SCD5: variants seen among roughly 807,000 people sequenced by gnomAD.
The protein encoded by SCD5 is acyl-CoA-desaturase 4.
A neutral mutation model predicts 30.4 loss-of-function variants in SCD5; 20 were observed. That is an observed-to-expected ratio of 0.66 (90% CI 0.46 to 0.96). The LOEUF is 0.96. Ranked by LOEUF, SCD5 falls within the 40% of genes least tolerant of loss-of-function variation. The pLI is 0.00. For missense variants in SCD5, 381 were observed against 443.3 expected (o/e 0.86, Z 1.26); for synonymous variants, 173 against 176.4 (o/e 0.98, Z 0.16).
intron 1 of SCD5, among the ~76,000 whole-genome samples, chr4:82,740,440 T>A (rs1720849112): frequency 6.6e-6 from 1 of 152,194 alleles, no homozygotes; most frequent in African/African-American, 2.4e-5. Flanking sequence ...GGAGCCAGTA[T>A]CAGGCTAACA....
At chr4:82,727,841 G>A (rs1720540204) in intron 1 of SCD5, among the ~76,000 whole-genome samples, 1 of 152,146 alleles carries the variant, frequency 6.6e-6, no homozygotes, top group Admixed American at 6.5e-5. Context: ...CCGAGTAGCT[G>A]GGATTACAGG....
intron 2 of SCD5, among the ~76,000 whole-genome samples, chr4:82,699,699 G>A (rs1719775027): frequency 7.0e-6 from 1 of 142,898 alleles, no homozygotes; most frequent in Non-Finnish European, 1.5e-5. Flanking sequence ...GTCTCCCACT[G>A]TCACCAGGCT....
rs758746139 is a variant in SCD5, at chr4:82,631,101, ACT to A, written c.*224_*225del. 78 of 421,308 alleles carry A rather than the reference ACT, an allele frequency of 1.9e-4. No homozygotes were observed. Among genetic ancestry groups the A allele is most frequent in the Non-Finnish European group, 3.0e-4 (70 of 236,924 alleles). The allele number at this position is 421,308 out of a possible 1,614,324, so 26.1% of individuals were successfully genotyped here. ...ACTCCAGCCTGGGTGACAGAGTGAG[ACT>A]CTGTCTCAAAAACAAAACAAACAAA... On this transcript the variant is annotated 3_prime_UTR_variant, in exon 5 of 5. Transcript: ENST00000319540.
At chr4:82,748,675 G>A (rs1382726902) in intron 1 of SCD5, among the ~76,000 whole-genome samples, 3 of 152,184 alleles carry the variant, frequency 2.0e-5, no homozygotes, top group African/African-American at 4.8e-5. Flanking sequence ...CCTACTCTGA[G>A]GCCCAAGAAA....
intron 1 of SCD5, among the ~76,000 whole-genome samples, chr4:82,741,165 C>T (rs1319346442): frequency 6.6e-6 from 1 of 151,270 alleles, no homozygotes; most frequent in Non-Finnish European, 1.5e-5. Context: ...TCTCAAACTC[C>T]TGGGCCCAAG....
chr4:82,663,114 T>C (rs941551832), intron 3 of SCD5, among the ~76,000 whole-genome samples: 1 of 152,140 alleles, frequency 6.6e-6, no homozygotes, highest in Non-Finnish European at 1.5e-5. Flanking sequence ...CCATAACTTT[T>C]CTTTAACTCA....
At chr4:82,708,131 T>C (rs1290912527) in intron 1 of SCD5, among the ~76,000 whole-genome samples, 1 of 152,148 alleles carries the variant, frequency 6.6e-6, no homozygotes, top group Admixed American at 6.5e-5. Flanking sequence ...ATGGGTTCTA[T>C]GAATAAAAAT....
At chr4:82,651,144 G>C (rs764431875) in intron 3 of SCD5, among the ~76,000 whole-genome samples, 51 of 152,232 alleles carry the variant, frequency 3.4e-4, no homozygotes, top group Non-Finnish European at 6.0e-4. Flanking sequence ...CACACAGATG[G>C]TAGTTGGACA....
intron 3 of SCD5, among the ~76,000 whole-genome samples, chr4:82,663,653 A>C (rs2148817383): frequency 6.6e-6 from 1 of 152,344 alleles, no homozygotes; most frequent in East Asian, 1.9e-4. Flanking sequence ...CAATAATGGA[A>C]CACTAGGCAT....
chr4:82,746,956 GTC>G (rs1721000142), intron 1 of SCD5, among the ~76,000 whole-genome samples: 1 of 23,462 alleles, frequency 4.3e-5, no homozygotes, highest in African/African-American at 7.4e-5. Context: ...ACACAAGGGC[GTC>G]AGGGGGAGAG....
intron 1 of SCD5, among the ~76,000 whole-genome samples, chr4:82,717,003 G>A (rs1720242309): frequency 6.6e-6 from 1 of 151,670 alleles, no homozygotes; most frequent in African/African-American, 2.4e-5. Flanking sequence ...AAATATATGG[G>A]AGGATGTGCA....
At chr4:82,745,190 C>T (rs1288514453) in intron 1 of SCD5, among the ~76,000 whole-genome samples, 2 of 152,162 alleles carry the variant, frequency 1.3e-5, no homozygotes, top group East Asian at 1.9e-4. Context: ...TCCTCAGCCT[C>T]GCTGGCACTG....
intron 1 of SCD5, among the ~76,000 whole-genome samples, chr4:82,746,462 C>G (rs946421528): frequency 5.3e-5 from 8 of 152,276 alleles, no homozygotes; most frequent in Admixed American, 5.2e-4. Context: ...TCTGAGACCA[C>G]GATGACATAT....
At chr4:82,747,074 C>CCCCCCCG (rs796695522) in intron 1 of SCD5, among the ~76,000 whole-genome samples, 2 of 149,062 alleles carry the variant, frequency 1.3e-5, no homozygotes, top group South Asian at 2.2e-4. Context: ...AACCTGCCCC[C>CCCCCCCG]CAAGAAAGAC....
At chr4:82,660,688 C>T (rs888823199) in intron 3 of SCD5, 29 of 1,422,476 alleles carry the variant, frequency 2.0e-5, no homozygotes, top group Admixed American at 5.9e-5. Context: ...GATTTTAGGA[C>T]CATATTTTAC....
At chr4:82,737,793 A>G (rs538521675) in intron 1 of SCD5, among the ~76,000 whole-genome samples, 28 of 152,234 alleles carry the variant, frequency 1.8e-4, no homozygotes, top group Non-Finnish European at 3.4e-4. Context: ...CACTGGATCA[A>G]ACTCTGAAAA....
At chr4:82,635,443 T>A (rs1033264482) in intron 4 of SCD5, among the ~76,000 whole-genome samples, 2 of 151,436 alleles carry the variant, frequency 1.3e-5, no homozygotes, top group African/African-American at 4.9e-5. Context: ...CACGGTGAAA[T>A]CCCGTCTCTA....
rs1282342402 is a variant in SCD5, at chr4:82,630,518, T to G, written c.*809A>C. 2 of 152,238 alleles carry G rather than the reference T, an allele frequency of 1.3e-5. No individual in the cohort carries two copies. Among genetic ancestry groups the G allele is most frequent in the African/African-American group, 4.8e-5 (2 of 41,456 alleles). 9.4% of individuals were successfully genotyped at this position (152,238 alleles called of 1,614,324 possible). On this transcript the variant is annotated 3_prime_UTR_variant, in exon 5 of 5. Coordinates refer to ENST00000319540, the MANE Select transcript of SCD5 (RefSeq NM_001037582.3). Reference sequence around the variant, plus strand: ...AAACAAATGCTCTCCTGAACTACACTGAAAGAATATTACTTTCCTTCATCC... The same window carrying G: ...AAACAAATGCTCTCCTGAACTACACGGAAAGAATATTACTTTCCTTCATCC...
intron 2 of SCD5, among the ~76,000 whole-genome samples, chr4:82,690,493 C>T (rs1728809437): frequency 6.6e-6 from 1 of 152,212 alleles, no homozygotes; most frequent in Admixed American, 6.5e-5. Context: ...TCCCCTTCCA[C>T]TCCATTTCTA....
Sources: allele counts gnomAD v4.1 joint callset (sites outside exome capture counted in the v4.1 genomes callset), GRCh38; gene constraint gnomAD v4.1.1; transcripts MANE v1.5; gene names NCBI Gene and HGNC (gene_info 2026-07-23, HGNC 2026-07-21).